BFSP2: variants seen among roughly 807,000 people sequenced by gnomAD.
The protein encoded by BFSP2 is beaded filament structural protein 2.
BFSP2 carries 38 observed loss-of-function variants against 44.9 expected under a neutral mutation model. That is an observed-to-expected ratio of 0.85 (90% CI 0.65 to 1.11). The LOEUF is 1.11. BFSP2 is among the 50% of genes least tolerant of loss of function. The pLI, the probability that BFSP2 is intolerant of heterozygous loss-of-function variation, is 0.00. For missense variants in BFSP2, 525 were observed against 533.0 expected (o/e 0.99, Z 0.15); for synonymous variants, 197 against 209.9 (o/e 0.94, Z 0.53).
chr3:133,474,588 A>G (rs929620980), intron 6 of BFSP2, among the ~76,000 whole-genome samples: 6 of 152,230 alleles, frequency 3.9e-5, no homozygotes, highest in African/African-American at 9.7e-5. Flanking sequence ...GAGCATCTGT[A>G]TAAACACACA....
chr3:133,402,895 T>G (rs2073373885), intron 1 of BFSP2, among the ~76,000 whole-genome samples: 1 of 152,118 alleles, frequency 6.6e-6, no homozygotes, highest in African/African-American at 2.4e-5. Flanking sequence ...CACCCGCCTC[T>G]GCCTCCCAGA....
At chr3:133,405,211 G>A (rs2073394520) in intron 1 of BFSP2, among the ~76,000 whole-genome samples, 1 of 152,204 alleles carries the variant, frequency 6.6e-6, no homozygotes, top group African/African-American at 2.4e-5. Flanking sequence ...GGAGCGCAGA[G>A]GTTCTAAATT....
chr3:133,411,922 T>C (rs2073458011), intron 1 of BFSP2, among the ~76,000 whole-genome samples: 1 of 152,194 alleles, frequency 6.6e-6, no homozygotes, highest in Non-Finnish European at 1.5e-5. Flanking sequence ...ATGGGCTTTA[T>C]TTGGATCACT....
At chr3:133,465,475 C>T (rs989714779) in intron 4 of BFSP2, among the ~76,000 whole-genome samples, 1 of 152,164 alleles carries the variant, frequency 6.6e-6, no homozygotes, top group Non-Finnish European at 1.5e-5. Flanking sequence ...CAGACTGCAT[C>T]GAAGAAAATG....
chr3:133,425,046 T>G (rs1161905071), intron 1 of BFSP2, among the ~76,000 whole-genome samples: 2 of 152,212 alleles, frequency 1.3e-5, no homozygotes, highest in African/African-American at 4.8e-5. Flanking sequence ...TACTGTCACG[T>G]GTAAATACAG....
chr3:133,401,115 T>C (rs550255418), intron 1 of BFSP2, among the ~76,000 whole-genome samples: 2 of 152,328 alleles, frequency 1.3e-5, no homozygotes, highest in South Asian at 2.1e-4. Flanking sequence ...ATGAACTACA[T>C]TGGTAATTGA....
intron 1 of BFSP2, among the ~76,000 whole-genome samples, chr3:133,437,319 T>C (rs916135248): frequency 6.6e-6 from 1 of 152,012 alleles, no homozygotes; most frequent in African/African-American, 2.4e-5. Context: ...AGGTTGGAAG[T>C]TCGAGACCAG....
intron 1 of BFSP2, among the ~76,000 whole-genome samples, chr3:133,432,957 T>G (rs948055681): frequency 9.9e-5 from 15 of 152,182 alleles, no homozygotes; most frequent in African/African-American, 3.6e-4. Flanking sequence ...CTTTAATACT[T>G]TTAGAGGCCC....
rs891131936 is a variant in BFSP2 at position 133,433,572 on chromosome 3, A to G, written c.490-13745A>G. On this transcript the variant is annotated intron_variant, in intron 1 of 6. Transcript: ENST00000302334. ...CCTCTTAGTCTAGGTAGACACTTTC[A>G]CTGGATAGGTAGAGTCCTTTCCTAC... Among the ~76,000 whole-genome samples the G allele has an allele frequency of 1.4e-4, 21 of 152,262 alleles. No individual in the cohort carries two copies. The South Asian group carries it at 2.7e-3, about 20-fold the overall frequency.
intron 1 of BFSP2, among the ~76,000 whole-genome samples, chr3:133,420,555 G>A (rs557862494): frequency 7.9e-5 from 12 of 152,214 alleles, no homozygotes; most frequent in Non-Finnish European, 1.5e-4. Context: ...TTCTGTAAAC[G>A]CTCGTGCATA....
At chr3:133,430,850 C>T (rs906951022) in intron 1 of BFSP2, among the ~76,000 whole-genome samples, 16 of 152,092 alleles carry the variant, frequency 1.1e-4, no homozygotes, top group African/African-American at 2.2e-4. Context: ...CCTCAGCCTC[C>T]GCTCCTCCAC....
At chr3:133,420,929 G>A (rs185400629) in intron 1 of BFSP2, among the ~76,000 whole-genome samples, 5 of 152,290 alleles carry the variant, frequency 3.3e-5, no homozygotes, top group African/African-American at 1.2e-4. Context: ...AACATAGCAA[G>A]TCCAGCTGAC....
intron 1 of BFSP2, among the ~76,000 whole-genome samples, chr3:133,445,134 A>C (rs1030987480): frequency 6.6e-6 from 1 of 152,252 alleles, no homozygotes; most frequent in African/African-American, 2.4e-5. Context: ...TGAGTGAATA[A>C]ATAGAAAAGT....
intron 1 of BFSP2, among the ~76,000 whole-genome samples, chr3:133,401,859 C>T (rs935731625): frequency 6.6e-6 from 1 of 152,134 alleles, no homozygotes; most frequent in Non-Finnish European, 1.5e-5. Flanking sequence ...GCCCCTCCTG[C>T]CTCCCACTTC....
intron 1 of BFSP2, among the ~76,000 whole-genome samples, chr3:133,434,948 T>A (rs2073766657): frequency 6.6e-6 from 1 of 152,226 alleles, no homozygotes; most frequent in South Asian, 2.1e-4. Context: ...TTCAAGACAC[T>A]TTTGTAAGCA....
intron 1 of BFSP2, among the ~76,000 whole-genome samples, chr3:133,418,506 G>C (rs540110645): frequency 2.2e-4 from 34 of 152,228 alleles, no homozygotes; most frequent in African/African-American, 8.2e-4. Flanking sequence ...TGGGAAATGA[G>C]GCGCTCATGG....
chr3:133,445,065 C>G (rs1170454994), intron 1 of BFSP2, among the ~76,000 whole-genome samples: 1 of 152,212 alleles, frequency 6.6e-6, no homozygotes, highest in Non-Finnish European at 1.5e-5. Context: ...TCTCAACAAA[C>G]AGGACAGAGC....
intron 1 of BFSP2, among the ~76,000 whole-genome samples, chr3:133,435,284 A>G (rs1357396066): frequency 6.6e-6 from 1 of 152,208 alleles, no homozygotes; most frequent in Non-Finnish European, 1.5e-5. Context: ...AAACACTCTT[A>G]TAATAAGCAG....
chr3:133,414,625 T>C (rs1576560784), intron 1 of BFSP2, among the ~76,000 whole-genome samples: 1 of 97,716 alleles, frequency 1.0e-5, no homozygotes, highest in Non-Finnish European at 2.1e-5. Flanking sequence ...TGCCATCTCG[T>C]CTCTACTCAC....
Sources: gnomAD v4.1 joint callset for allele counts (sites outside exome capture counted in the v4.1 genomes callset) on GRCh38, gnomAD v4.1.1 for gene constraint, MANE v1.5 for transcripts, NCBI Gene and HGNC (gene_info 2026-07-23, HGNC 2026-07-21) for gene names.